VWA3A: variants seen among roughly 807,000 people sequenced by gnomAD.
The protein encoded by VWA3A is von Willebrand factor A domain-containing protein 3A.
In VWA3A, 134 loss-of-function variants were observed where a neutral mutation model predicts 160.4. That is an observed-to-expected ratio of 0.84 (90% CI 0.73 to 0.96). The LOEUF (loss-of-function observed/expected upper bound fraction) is 0.96, where lower values mean the gene tolerates loss of function less well. Ranked by LOEUF, VWA3A falls within the 40% of genes least tolerant of loss-of-function variation. The pLI is 0.00. For synonymous variants in VWA3A, 476 were observed against 543.4 expected (o/e 0.88, Z 1.72); for missense variants, 1,310 against 1,447.9 (o/e 0.90, Z 1.55).
At chr16:22,120,415 AAATT>A (rs1279131875) in intron 12 of VWA3A, among the ~76,000 whole-genome samples, 2 of 152,228 alleles carry the variant, frequency 1.3e-5, no homozygotes, top group East Asian at 1.9e-4. Context: ...AAATTAAAGA[AAATT>A]AATAACTAAA....
chr16:22,142,628 C>T (rs2046172064), intron 24 of VWA3A, 40 bp from the exon 25 acceptor site: 1 of 1,493,120 alleles, frequency 6.7e-7, no homozygotes, highest in Non-Finnish European at 9.1e-7. Flanking sequence ...GGGGCTCAAC[C>T]ATCCAAACTA....
chr16:22,128,264 C>G (rs2045886782), intron 17 of VWA3A, among the ~76,000 whole-genome samples: 1 of 152,154 alleles, frequency 6.6e-6, no homozygotes, highest in Admixed American at 6.5e-5. Flanking sequence ...TTCAAATGCT[C>G]AAGCAATGCT....
At chr16:22,150,907 G>A in intron 30 of VWA3A, 61 bp downstream of exon 30, 1 of 1,532,700 alleles carries the variant, frequency 6.5e-7, no homozygotes, top group Non-Finnish European at 8.8e-7. Context: ...ATCTCAGCAG[G>A]GAGATCCAAG....
intron 6 of VWA3A, among the ~76,000 whole-genome samples, chr16:22,103,989 G>C (rs1341128458): frequency 6.6e-6 from 1 of 152,176 alleles, no homozygotes; most frequent in Non-Finnish European, 1.5e-5. Flanking sequence ...GGGGGAAGGG[G>C]AAAGAGACTG....
rs1387737176 is a variant in VWA3A at position 22,152,610 on chromosome 16, G to A, written c.3381G>A (p.Leu1127=). 1.9e-6 allele frequency: 3 copies of A among 1,608,396 alleles called. No homozygotes were observed. Among genetic ancestry groups the A allele is most frequent in the Admixed American group, 3.4e-5 (2 of 59,118 alleles). Reference sequence around the variant, plus strand: ...CACTCTCCAAAATTCACAGCCTGCTGACCAAAGGCTTCATCAATGAAAAGG... The same window carrying A: ...CACTCTCCAAAATTCACAGCCTGCTAACCAAAGGCTTCATCAATGAAAAGG... ...EDTLSKIHSL[L]TKGFINEKDP... is the part of the protein sequence containing the mutation. Residue 1127 remains leucine, a synonymous_variant, in exon 31 of 34, where the codon CTG becomes CTA. Transcript: ENST00000389398.
chr16:22,123,235 C>G, intron 15 of VWA3A, 70 bp downstream of exon 15: 5 of 1,419,244 alleles, frequency 3.5e-6, no homozygotes, highest in Non-Finnish European at 3.9e-6. Flanking sequence ...GTTCCCTGGG[C>G]TATGAAGTCA....
At chr16:22,114,579 G>C (rs1419648893) in intron 8 of VWA3A, among the ~76,000 whole-genome samples, 1 of 152,118 alleles carries the variant, frequency 6.6e-6, no homozygotes, top group Non-Finnish European at 1.5e-5. Flanking sequence ...TCCTAACTCA[G>C]TTTCCTCATC....
At chr16:22,148,053 G>T in intron 27 of VWA3A, 109 bp from the exon 28 acceptor site, 1 of 1,345,502 alleles carries the variant, frequency 7.4e-7, no homozygotes, top group Non-Finnish European at 9.9e-7. Flanking sequence ...GATCAGGCAG[G>T]CAACAGGTGT....
Position 22,120,957 on chromosome 16 carries a change from A to T in VWA3A, c.1117-11A>T. 1 of 1,613,906 alleles carries T rather than the reference A, an allele frequency of 6.2e-7. No individual in the cohort carries two copies. Among genetic ancestry groups the T allele is most frequent in the Non-Finnish European group, 8.5e-7 (1 of 1,179,848 alleles). On this transcript the variant is annotated splice_polypyrimidine_tract_variant and intron_variant, in intron 12 of 33. Transcript: ENST00000389398. ...ATGATTATGTAATGAGGGCTTTCTC[A>T]TTTAACTTAGATTTCCACAGAGATT...
At chr16:22,093,599 A>G (rs1901417743) in intron 1 of VWA3A, among the ~76,000 whole-genome samples, 1 of 152,224 alleles carries the variant, frequency 6.6e-6, no homozygotes, top group Non-Finnish European at 1.5e-5. Context: ...GATGCAGCCC[A>G]TATTTTATGG....
chr16:22,146,000 T>C (rs150355243), intron 26 of VWA3A, among the ~76,000 whole-genome samples: 1 of 152,230 alleles, frequency 6.6e-6, no homozygotes, highest in African/African-American at 2.4e-5. Context: ...TTTTCTGTTT[T>C]TGGTAGAGAT....
intron 8 of VWA3A, among the ~76,000 whole-genome samples, chr16:22,112,580 G>A (rs2045568486): frequency 6.6e-6 from 1 of 152,114 alleles, no homozygotes; most frequent in South Asian, 2.1e-4. Context: ...TTAGCCCAGT[G>A]TGATGGCATG....
At chr16:22,138,821 T>C (rs777348346) in intron 22 of VWA3A, among the ~76,000 whole-genome samples, 36 of 151,990 alleles carry the variant, frequency 2.4e-4, no homozygotes, top group Non-Finnish European at 5.0e-4. Context: ...TCTGATGGCT[T>C]ATCCTGGAGA....
chr16:22,126,055 T>C (rs1202063873), intron 16 of VWA3A, 123 bp from the exon 17 acceptor site: 6 of 1,366,218 alleles, frequency 4.4e-6, no homozygotes, highest in Admixed American at 2.2e-5. Flanking sequence ...GAGAAGATTT[T>C]GGCCAGCTAT....
intron 16 of VWA3A, among the ~76,000 whole-genome samples, chr16:22,125,615 G>A (rs2045833587): frequency 6.6e-6 from 1 of 151,860 alleles, no homozygotes; most frequent in African/African-American, 2.4e-5. Context: ...AGTAGAGACA[G>A]GGTTTCACCA....
chr16:22,154,955 C>T (rs973942659), intron 31 of VWA3A, among the ~76,000 whole-genome samples: 2 of 81,654 alleles, frequency 2.4e-5, no homozygotes, highest in African/African-American at 6.3e-5. Context: ...AGCGAGACTC[C>T]GTCTCAAAAA....
At position 22,151,211 on chromosome 16, in the gene VWA3A, C is replaced by G. The variant is rs190066650; in HGVS notation, c.3281+365C>G. 8.0e-5 allele frequency among the ~76,000 whole-genome samples: 12 copies of G among 150,536 alleles called. No individual in the cohort carries two copies. In the East Asian group the frequency reaches 2.2e-3, roughly 27 times the overall value. ...GTGAGAATCACTTGATCCAGGGAGG[C>G]AGAGGTTGCAGTCAGCGGAGGTTGC... On this transcript the variant is annotated intron_variant, in intron 30 of 33. Coordinates refer to ENST00000389398, the MANE Select transcript of VWA3A (RefSeq NM_173615.5).
chr16:22,154,960 C>CAAAAAAAA lies in VWA3A; in HGVS notation c.3406-577_3406-570dup, dbSNP rs747770335. On this transcript the variant is annotated intron_variant, in intron 31 of 33. Coordinates refer to ENST00000389398, the MANE Select transcript of VWA3A (RefSeq NM_173615.5). Reference sequence around the variant, plus strand: ...TGGGCGACAGAGCGAGACTCCGTCTCAAAAAAAAAAAAAAAAAAAAAAAAA... The same window carrying CAAAAAAAA: ...TGGGCGACAGAGCGAGACTCCGTCTCAAAAAAAAAAAAAAAAAAAAAAAAAAAAAAAAA... Among the ~76,000 whole-genome samples the CAAAAAAAA allele has an allele frequency of 7.3e-5, 4 of 54,434 alleles. 1 individual carries two copies. Among genetic ancestry groups the CAAAAAAAA allele is most frequent in the African/African-American group, 1.2e-4 (2 of 16,496 alleles). The allele number at this position is 54,434 out of a possible 152,430, so 35.7% of individuals were successfully genotyped here.
At chr16:22,126,147 T>G in intron 16 of VWA3A, 31 bp from the exon 17 acceptor site, 1 of 1,612,172 alleles carries the variant, frequency 6.2e-7, no homozygotes, top group Non-Finnish European at 8.5e-7. Context: ...AGAGATTCGG[T>G]TCTCCTCTTA....
Sources: gnomAD v4.1 joint callset for allele counts (sites outside exome capture counted in the v4.1 genomes callset) on GRCh38, gnomAD v4.1.1 for gene constraint, MANE v1.5 for transcripts, NCBI Gene and HGNC (gene_info 2026-07-23, HGNC 2026-07-21) for gene names.